MPP1: variants seen among roughly 807,000 people sequenced by gnomAD.
The protein encoded by MPP1 is MAGUK p55 scaffold protein 1.
MPP1 carries 6 observed loss-of-function variants against 38.2 expected under a neutral mutation model. That is an observed-to-expected ratio of 0.16 (90% CI 0.09 to 0.31). The LOEUF (loss-of-function observed/expected upper bound fraction) is 0.31, where lower values mean the gene tolerates loss of function less well. Ranked by LOEUF, MPP1 falls within the 10% of genes least tolerant of loss-of-function variation. MPP1 has a pLI of 1.00. For synonymous variants in MPP1, 153 were observed against 146.3 expected (o/e 1.05, Z -0.33); for missense variants, 293 against 368.9 (o/e 0.79, Z 1.69).
intron 1 of MPP1, among the ~76,000 whole-genome samples, chrX:154,796,176 T>C (rs2148536790): frequency 9.2e-6 from 1 of 109,019 alleles, no homozygotes; most frequent in South Asian, 4.0e-4. Flanking sequence ...TGTCACCCAG[T>C]CTAGAGTGCA....
intron 1 of MPP1, among the ~76,000 whole-genome samples, chrX:154,800,599 C>T (rs2072251321): frequency 8.9e-6 from 1 of 112,526 alleles, no homozygotes; most frequent in Admixed American, 9.4e-5. Flanking sequence ...AAACCAGTGC[C>T]GGAGCTGTGT....
At chrX:154,799,946 G>C in intron 1 of MPP1, 4 of 1,057,114 alleles carry the variant, frequency 3.8e-6, no homozygotes, top group Non-Finnish European at 5.1e-6. Flanking sequence ...GGGCGGTGGC[G>C]GGGGTGAATA....
chrX:154,801,780 A>G (rs1384696047), intron 1 of MPP1, among the ~76,000 whole-genome samples: 1 of 88,711 alleles, frequency 1.1e-5, no homozygotes, highest in Non-Finnish European at 2.1e-5. Context: ...AAAAAAAAAA[A>G]AAAAAACAAA....
At chrX:154,790,063 G>T in intron 4 of MPP1, 41 bp from the exon 5 acceptor site, 1 of 891,237 alleles carries the variant, frequency 1.1e-6, no homozygotes, top group Non-Finnish European at 1.6e-6. Flanking sequence ...AGAAAACTAA[G>T]TTGAATGATG....
chrX:154,790,895 T>G, intron 4 of MPP1, 88 bp downstream of exon 4: 2 of 806,129 alleles, frequency 2.5e-6, no homozygotes, highest in South Asian at 2.5e-5. Context: ...ACAAATACTT[T>G]GACAGAGAGA....
At chrX:154,796,585 A>G (rs2072200919) in intron 1 of MPP1, among the ~76,000 whole-genome samples, 1 of 112,335 alleles carries the variant, frequency 8.9e-6, no homozygotes, top group Non-Finnish European at 1.9e-5. Context: ...CCCAAACAAG[A>G]TCAGGGATAT....
chrX:154,781,351 A>G (rs1557266589), intron 10 of MPP1, 38 bp from the exon 11 acceptor site: 6 of 994,824 alleles, frequency 6.0e-6, no homozygotes, highest in Admixed American at 2.7e-5. Flanking sequence ...GAGGGGGGGG[A>G]AGGAAGAAAA....
chrX:154,783,938 T>G (rs1557266919), intron 8 of MPP1, 90 bp downstream of exon 8: 1 of 873,142 alleles, frequency 1.1e-6, no homozygotes. Context: ...CTCAGTTCTT[T>G]TCTTCCTCAC....
At chrX:154,793,634 AT>A (rs782013068) in intron 1 of MPP1, among the ~76,000 whole-genome samples, 1 of 112,078 alleles carries the variant, frequency 8.9e-6, no homozygotes, top group Non-Finnish European at 1.9e-5. Context: ...TTTTGGCGCC[AT>A]TCCAAGAGCA....
chrX:154,805,359 C>T lies in MPP1; in HGVS notation c.15G>A (p.Ala5=). 8.3e-7 allele frequency: 1 copy of T among 1,200,524 alleles called. No individual in the cohort carries two copies. The highest frequency in any genetic ancestry group is 1.1e-6 in the Non-Finnish European group (1 of 889,061). Residue 5 remains alanine (A), a synonymous_variant, in exon 1 of 12, where the codon GCG becomes GCA. Transcript: ENST00000369534. MTLK[A]SEGESGGSMH... ...TGCTGCCCCCACTCTCGCCCTCGCT[C>T]GCCTTGAGGGTCATCTCGCAGAAGC...
intron 1 of MPP1, among the ~76,000 whole-genome samples, chrX:154,798,633 CAAGTGTG>C (rs2072224576): frequency 8.9e-6 from 1 of 112,317 alleles, no homozygotes; most frequent in Non-Finnish European, 1.9e-5. Flanking sequence ...GGGAGGAAGA[CAAGTGTG>C]ACTATAAAGC....
chrX:154,796,462 A>C (rs2072199412), intron 1 of MPP1, among the ~76,000 whole-genome samples: 1 of 111,709 alleles, frequency 9.0e-6, no homozygotes, highest in Non-Finnish European at 1.9e-5. Flanking sequence ...GAAGACAGAA[A>C]GCAGATGGAG....
At chrX:154,782,677 A>T (rs2072023322) in intron 9 of MPP1, 1 of 112,972 alleles carries the variant, frequency 8.9e-6, no homozygotes, top group Non-Finnish European at 1.9e-5. Context: ...TATTATTATC[A>T]GTAGGTTCTT....
At position 154,801,665 on chromosome X, in the gene MPP1, A is replaced by G. The variant is rs1417531214; in HGVS notation, c.102+3607T>C. On this transcript the variant is annotated intron_variant, in intron 1 of 11. Coordinates refer to ENST00000369534, the MANE Select transcript of MPP1 (RefSeq NM_002436.4). Reference sequence around the variant, plus strand: ...TCCCAGCTAGCTGGGAGACTGAGGCAGGAGAATCGCTTGAACCTAGGAGGC... The same window carrying G: ...TCCCAGCTAGCTGGGAGACTGAGGCGGGAGAATCGCTTGAACCTAGGAGGC... Among the ~76,000 whole-genome samples, 4 of 102,486 alleles carry G rather than the reference A, an allele frequency of 3.9e-5. No homozygotes were observed. The Admixed American group carries it at 4.3e-4, about 11-fold the overall frequency. The allele number at this position is 102,486 out of a possible 115,157, so 89.0% of individuals were successfully genotyped here.
intron 6 of MPP1, among the ~76,000 whole-genome samples, chrX:154,785,529 A>C (rs964211409): frequency 1.6e-4 from 18 of 111,536 alleles, no homozygotes; most frequent in African/African-American, 5.6e-4. Context: ...AAACACATAC[A>C]CACACCCCAC....
Position 154,779,138 on chromosome X carries a change from T to G in MPP1, c.*39A>C, listed in dbSNP as rs199514451. The G allele has an allele frequency of 4.4e-5, 51 of 1,165,173 alleles. No individual in the cohort carries two copies. The African/African-American group carries it at 8.7e-4, about 20-fold the overall frequency. ...GCAAGGCGGGTGGAATTCCAAATGC[T>G]GGAGAGGGGCATACAGTGGGTTCCC... On this transcript the variant is annotated 3_prime_UTR_variant, in exon 12 of 12. Coordinates refer to ENST00000369534, the MANE Select transcript of MPP1 (RefSeq NM_002436.4).
At chrX:154,783,739 G>A (rs1279792639) in intron 8 of MPP1, 11 of 428,554 alleles carry the variant, frequency 2.6e-5, no homozygotes, top group Admixed American at 4.2e-5. Context: ...GTCACTGCTT[G>A]GGGGAAGGGA....
chrX:154,779,093 G>A lies in MPP1; in HGVS notation c.*84C>T, dbSNP rs2071955739. The A allele has an allele frequency of 2.1e-6, 2 of 938,527 alleles. No homozygotes were observed. The highest frequency in any genetic ancestry group is 1.5e-6 in the Non-Finnish European group (1 of 676,762). 77.3% of individuals were successfully genotyped at this position (938,527 alleles called of 1,213,427 possible). On this transcript the variant is annotated 3_prime_UTR_variant, in exon 12 of 12. Transcript: ENST00000369534. ...GGAAGCTGACACAAAACTAGTTGGA[G>A]CAGCCCTGTTTGTCTTAAAGCAAGG...
chrX:154,792,496 G>A (rs2072153985), intron 1 of MPP1: 1 of 391,787 alleles, frequency 2.6e-6, no homozygotes. Context: ...TGCACCTGTA[G>A]TCCCAGCTAC....
Sources: gnomAD v4.1 joint callset for allele counts (sites outside exome capture counted in the v4.1 genomes callset) on GRCh38, gnomAD v4.1.1 for gene constraint, MANE v1.5 for transcripts, NCBI Gene and HGNC (gene_info 2026-07-23, HGNC 2026-07-21) for gene names.